CRLF3: variants seen among roughly 807,000 people sequenced by gnomAD.
The protein encoded by CRLF3 is cytokine receptor like factor 3.
CRLF3 carries 33 observed loss-of-function variants against 55.0 expected under a neutral mutation model. The ratio of observed to expected loss-of-function variants is 0.60; its 90% confidence interval spans 0.46 to 0.80. CRLF3 has a LOEUF of 0.80. Ranked by LOEUF, CRLF3 falls within the 30% of genes least tolerant of loss-of-function variation. CRLF3 has a pLI of 0.00. For missense variants in CRLF3, 494 were observed against 538.4 expected (o/e 0.92, Z 0.82); for synonymous variants, 238 against 196.8 (o/e 1.21, Z -1.75).
chr17:30,796,811 C>A (rs1438655084), intron 3 of CRLF3, among the ~76,000 whole-genome samples: 1 of 151,574 alleles, frequency 6.6e-6, no homozygotes. Flanking sequence ...GCAACCTCCA[C>A]CTCCCCGATT....
chr17:30,783,390 G>T lies in CRLF3; in HGVS notation c.*797C>A, dbSNP rs1971546468. On this transcript the variant is annotated 3_prime_UTR_variant, in exon 8 of 8. Transcript: ENST00000324238. ...CTAGCACTTTGGAAGGCTGAGGTGGGTGGAACACCTGAGGTCAGGAGTTCA... is the reference window on the plus strand; with the variant it reads ...CTAGCACTTTGGAAGGCTGAGGTGGTTGGAACACCTGAGGTCAGGAGTTCA... 1 of 152,220 alleles carries T rather than the reference G, an allele frequency of 6.6e-6. No homozygotes were observed. Among genetic ancestry groups the T allele is most frequent in the Non-Finnish European group, 1.5e-5 (1 of 68,056 alleles). The allele number at this position is 152,220 out of a possible 1,614,324, so 9.4% of individuals were successfully genotyped here.
At chr17:30,797,462 C>T (rs1971935818) in intron 2 of CRLF3, 64 bp from the exon 3 acceptor site, 2 of 1,334,072 alleles carry the variant, frequency 1.5e-6, no homozygotes, top group Admixed American at 1.7e-5. Context: ...ATCAACACAA[C>T]TCATGTCTGG....
intron 6 of CRLF3, among the ~76,000 whole-genome samples, chr17:30,788,599 CTTTTTTT>C (rs1159336036): frequency 2.4e-3 from 195 of 80,028 alleles, no homozygotes; most frequent in Non-Finnish European, 3.3e-3. Context: ...GTAGTGCCTT[CTTTTTTT>C]TTTTTTTTTT....
chr17:30,787,999 TAAAC>T (rs891777651), intron 6 of CRLF3, among the ~76,000 whole-genome samples: 10 of 148,750 alleles, frequency 6.7e-5, no homozygotes, highest in African/African-American at 2.5e-4. Context: ...GACCTTGTCT[TAAAC>T]AAAAAGAGGG....
intron 1 of CRLF3, 139 bp downstream of exon 1, chr17:30,824,384 T>G (rs536969613): frequency 1.2e-6 from 1 of 844,468 alleles, no homozygotes; most frequent in African/African-American, 1.8e-5. Flanking sequence ...CAGACTCCAT[T>G]AGGTCTCCTT....
chr17:30,807,633 A>G (rs555738050), intron 1 of CRLF3, among the ~76,000 whole-genome samples: 2 of 143,984 alleles, frequency 1.4e-5, no homozygotes, highest in South Asian at 2.1e-4. Context: ...TCTGGGTTCA[A>G]GAGATTCTCC....
At position 30,791,362 on chromosome 17, in the gene CRLF3, C is replaced by T. The variant is rs1014438351; in HGVS notation, c.959+1078G>A. ...CTGGGATTACAGGCGGGAGCCATTGCGCCTGTCCTAATATTTGTATTTTTA... is the reference window on the plus strand; with the variant it reads ...CTGGGATTACAGGCGGGAGCCATTGTGCCTGTCCTAATATTTGTATTTTTA... On this transcript the variant is annotated intron_variant, in intron 6 of 7. Transcript: ENST00000324238. Among the ~76,000 whole-genome samples, 7 of 151,034 alleles carry T rather than the reference C, an allele frequency of 4.6e-5. No individual in the cohort carries two copies. In the East Asian group the frequency reaches 9.8e-4, roughly 21 times the overall value.
chr17:30,787,006 TGTATTTGTAGTAGAGA>T (rs1971662508), intron 6 of CRLF3, among the ~76,000 whole-genome samples: 2 of 152,148 alleles, frequency 1.3e-5, no homozygotes, highest in African/African-American at 4.8e-5. Context: ...GGCCTAATTT[TGTATTTGTAGTAGAGA>T]CACGGTTTCA....
intron 2 of CRLF3, among the ~76,000 whole-genome samples, chr17:30,800,506 T>C (rs1270067124): frequency 6.6e-6 from 1 of 152,188 alleles, no homozygotes. Context: ...AGGCTGATTT[T>C]TGTTATCACA....
chr17:30,784,028 G>A lies in CRLF3; in HGVS notation c.*159C>T, dbSNP rs1451216751. The A allele has an allele frequency of 1.6e-6, 1 of 627,904 alleles. No individual in the cohort carries two copies. The highest frequency in any genetic ancestry group is 2.7e-6 in the Non-Finnish European group (1 of 365,978). 38.9% of individuals were successfully genotyped at this position (627,904 alleles called of 1,614,324 possible). On this transcript the variant is annotated 3_prime_UTR_variant, in exon 8 of 8. Transcript: ENST00000324238. ...GTATGATTTTGTCCACAACATTGAA[G>A]TCTCTTTTTGCTAAAATATTACAAA...
At chr17:30,818,089 G>A (rs1008863010) in intron 1 of CRLF3, among the ~76,000 whole-genome samples, 11 of 148,222 alleles carry the variant, frequency 7.4e-5, no homozygotes, top group African/African-American at 2.2e-4. Context: ...GTGAAACCCC[G>A]TCTCTACTAA....
Position 30,824,619 on chromosome 17 carries a change from C to T in CRLF3, c.33G>A (p.Leu11=). The change falls in exon 1 of 8, where the codon CTG becomes CTA. Residue 11 remains leucine, a synonymous_variant. Coordinates refer to ENST00000324238, the MANE Select transcript of CRLF3 (RefSeq NM_015986.4). MRGAMELEPE[L]LLQEARENVE... Reference sequence around the variant, plus strand: ...CGTTCTCGCGGGCCTCCTGCAACAGCAGCTCAGGCTCCAGCTCCATCGCCC... The same window carrying T: ...CGTTCTCGCGGGCCTCCTGCAACAGTAGCTCAGGCTCCAGCTCCATCGCCC... 1 of 1,605,516 alleles carries T rather than the reference C, an allele frequency of 6.2e-7. No individual in the cohort carries two copies. Among genetic ancestry groups the T allele is most frequent in the Non-Finnish European group, 8.5e-7 (1 of 1,179,248 alleles).
chr17:30,811,782 G>C (rs1468468608), intron 1 of CRLF3, among the ~76,000 whole-genome samples: 4 of 130,244 alleles, frequency 3.1e-5, no homozygotes, highest in African/African-American at 5.9e-5. Context: ...CCAGCCCAGG[G>C]GACAGCACGA....
intron 6 of CRLF3, among the ~76,000 whole-genome samples, chr17:30,789,121 GA>G (rs550018180): frequency 6.6e-6 from 1 of 151,724 alleles, no homozygotes; most frequent in African/African-American, 2.4e-5. Context: ...ATTCCACAAA[GA>G]AAAAAATGAC....
chr17:30,793,386 A>G (rs1448125152), intron 5 of CRLF3, 64 bp downstream of exon 5: 1 of 1,292,812 alleles, frequency 7.7e-7, no homozygotes, highest in Admixed American at 1.8e-5. Flanking sequence ...TGCTGCCCTT[A>G]GCACAGAATA....
At chr17:30,803,635 C>T in intron 2 of CRLF3, 1 of 372,570 alleles carries the variant, frequency 2.7e-6, no homozygotes, top group South Asian at 3.3e-5. Flanking sequence ...TTCTCCCACA[C>T]TGTTCTTGGT....
At chr17:30,820,093 G>C (rs930707570) in intron 1 of CRLF3, among the ~76,000 whole-genome samples, 2 of 152,208 alleles carry the variant, frequency 1.3e-5, no homozygotes, top group African/African-American at 4.8e-5. Context: ...GCTAGGCCAA[G>C]TTGGCTGTAA....
At chr17:30,797,454 C>T in intron 2 of CRLF3, 56 bp from the exon 3 acceptor site, 1 of 1,379,782 alleles carries the variant, frequency 7.2e-7, no homozygotes, top group South Asian at 1.2e-5. Flanking sequence ...ATAAAGTAAT[C>T]AACACAACTC....
intron 1 of CRLF3, among the ~76,000 whole-genome samples, chr17:30,816,094 A>C (rs1016897589): frequency 9.9e-5 from 15 of 151,446 alleles, no homozygotes; most frequent in Non-Finnish European, 2.1e-4. Flanking sequence ...CCAGCCTGGC[A>C]AATATGGTGA....
Sources: allele counts gnomAD v4.1 joint callset (sites outside exome capture counted in the v4.1 genomes callset), GRCh38; gene constraint gnomAD v4.1.1; transcripts MANE v1.5; gene names NCBI Gene and HGNC (gene_info 2026-07-23, HGNC 2026-07-21).